The following LHFPL2 variants were observed in gnomAD, a reference collection of about 807,000 sequenced individuals.
The protein encoded by LHFPL2 is LHFPL tetraspan subfamily member 2, also known as LHFPL tetraspan subfamily member 2 protein.
In LHFPL2, 7 loss-of-function variants were observed where a neutral mutation model predicts 17.5. The observed-to-expected ratio is 0.40, with a 90% CI of 0.23 to 0.75. The LOEUF (loss-of-function observed/expected upper bound fraction) is 0.75. LHFPL2 is among the 30% of genes least tolerant of loss of function. LHFPL2 has a pLI of 0.37. For missense variants in LHFPL2, 241 were observed against 294.8 expected (o/e 0.82, Z 1.34); for synonymous variants, 134 against 116.2 (o/e 1.15, Z -0.99).
intron 1 of LHFPL2, among the ~76,000 whole-genome samples, chr5:78,643,360 A>G (rs1745746660): frequency 6.6e-6 from 1 of 152,212 alleles, no homozygotes; most frequent in South Asian, 2.1e-4. Flanking sequence ...TTCTATACCA[A>G]AAGAGAATCA....
intron 2 of LHFPL2, 93 bp downstream of exon 2, chr5:78,632,171 C>A (rs971500076): frequency 1.3e-5 from 2 of 152,172 alleles, no homozygotes; most frequent in Non-Finnish European, 2.9e-5. Context: ...AGAGAAGATG[C>A]TGCCCCACAT....
intron 2 of LHFPL2, among the ~76,000 whole-genome samples, chr5:78,576,148 C>A (rs1757128399): frequency 1.3e-5 from 2 of 152,102 alleles, no homozygotes; most frequent in African/African-American, 4.8e-5. Context: ...ACAAAAAATT[C>A]TCCGGGCGTG....
intron 3 of LHFPL2, among the ~76,000 whole-genome samples, chr5:78,542,222 A>G (rs1296939853): frequency 6.6e-6 from 1 of 151,998 alleles, no homozygotes; most frequent in Admixed American, 6.5e-5. Flanking sequence ...CAGGCCTCAC[A>G]TCACCCCAGG....
intron 2 of LHFPL2, among the ~76,000 whole-genome samples, chr5:78,567,774 A>G (rs1756896851): frequency 6.6e-6 from 1 of 152,082 alleles, no homozygotes; most frequent in Non-Finnish European, 1.5e-5. Flanking sequence ...ATTTTATCCT[A>G]ACAACTATAT....
intron 3 of LHFPL2, among the ~76,000 whole-genome samples, chr5:78,545,334 G>C (rs1315726165): frequency 5.9e-5 from 9 of 152,168 alleles, no homozygotes; most frequent in African/African-American, 2.2e-4. Flanking sequence ...TCAAGAGTAG[G>C]ATTTCTCTGT....
At chr5:78,630,511 T>A (rs1745201950) in intron 2 of LHFPL2, among the ~76,000 whole-genome samples, 1 of 152,156 alleles carries the variant, frequency 6.6e-6, no homozygotes, top group Non-Finnish European at 1.5e-5. Context: ...ATCCTCCTTC[T>A]ATCGAACCCC....
At chr5:78,647,460 A>G (rs1277834834) in intron 1 of LHFPL2, among the ~76,000 whole-genome samples, 2 of 152,182 alleles carry the variant, frequency 1.3e-5, no homozygotes, top group East Asian at 3.9e-4. Context: ...AGCCTCTAAC[A>G]GCTCTGGCTC....
At chr5:78,571,881 T>C (rs1191302004) in intron 2 of LHFPL2, among the ~76,000 whole-genome samples, 3 of 152,210 alleles carry the variant, frequency 2.0e-5, no homozygotes, top group African/African-American at 7.2e-5. Context: ...GTCTATCCAC[T>C]AGGATGTAAG....
At chr5:78,550,767 T>A (rs898526714) in intron 3 of LHFPL2, among the ~76,000 whole-genome samples, 2 of 152,118 alleles carry the variant, frequency 1.3e-5, no homozygotes, top group Non-Finnish European at 2.9e-5. Context: ...CACGAGGTTT[T>A]GCCATGTTGG....
intron 3 of LHFPL2, among the ~76,000 whole-genome samples, chr5:78,518,523 A>C (rs1755353745): frequency 6.6e-6 from 1 of 152,230 alleles, no homozygotes. Flanking sequence ...GCAGCTTCCA[A>C]AGGGATGCAC....
chr5:78,644,120 G>C (rs780532451), intron 1 of LHFPL2: 1 of 458,460 alleles, frequency 2.2e-6, no homozygotes, highest in Non-Finnish European at 3.9e-6. Flanking sequence ...ACATTTGGTA[G>C]TGTGTTAACT....
At chr5:78,637,397 G>C (rs142688226) in intron 1 of LHFPL2, among the ~76,000 whole-genome samples, 33 of 150,134 alleles carry the variant, frequency 2.2e-4, no homozygotes, top group African/African-American at 6.6e-4. Flanking sequence ...TTGGGGGGAG[G>C]GGGGGAAGCC....
Position 78,600,514 on chromosome 5 carries a change from A to G in LHFPL2, c.-245+31750T>C, listed in dbSNP as rs1042769026. On this transcript the variant is annotated intron_variant, in intron 2 of 4. Coordinates refer to ENST00000380345, the MANE Select transcript of LHFPL2 (RefSeq NM_005779.3). ...GAGGCTGAGGCAGGTGGATAACCTG[A>G]GGTCAGGAGTTCAAGACCAGCCTGA... Among the ~76,000 whole-genome samples, 11 of 152,180 alleles carry G rather than the reference A, an allele frequency of 7.2e-5. 1 individual carries two copies. Among genetic ancestry groups the G allele is most frequent in the Non-Finnish European group, 4.4e-5 (3 of 68,030 alleles).
intron 2 of LHFPL2, among the ~76,000 whole-genome samples, chr5:78,574,114 C>G (rs529236678): frequency 3.2e-4 from 49 of 152,328 alleles, no homozygotes; most frequent in African/African-American, 1.2e-3. Flanking sequence ...ACGATGAGAA[C>G]TATGAAGCAT....
chr5:78,639,034 A>G (rs1312101421), intron 1 of LHFPL2, among the ~76,000 whole-genome samples: 1 of 152,234 alleles, frequency 6.6e-6, no homozygotes, highest in Non-Finnish European at 1.5e-5. Flanking sequence ...GAAGCCTCTT[A>G]GGACCAGAAG....
intron 2 of LHFPL2, among the ~76,000 whole-genome samples, chr5:78,569,095 CTTA>C (rs1756932397): frequency 6.6e-6 from 1 of 152,160 alleles, no homozygotes; most frequent in Non-Finnish European, 1.5e-5. Flanking sequence ...AACCATCATT[CTTA>C]TTAAGTATTA....
intron 2 of LHFPL2, among the ~76,000 whole-genome samples, chr5:78,593,754 T>TCC (rs1561356620): frequency 6.6e-6 from 1 of 152,042 alleles, no homozygotes; most frequent in Non-Finnish European, 1.5e-5. Flanking sequence ...ACCTGAGAGC[T>TCC]CCATACACAG....
At chr5:78,560,278 T>C (rs74629864) in intron 3 of LHFPL2, among the ~76,000 whole-genome samples, 3,353 of 152,334 alleles carry the variant, frequency 0.022, 123 homozygotes, top group African/African-American at 0.077. Flanking sequence ...CTGATAACCT[T>C]ACTTATATTA....
intron 3 of LHFPL2, among the ~76,000 whole-genome samples, chr5:78,519,817 C>T (rs1755395921): frequency 6.6e-6 from 1 of 152,232 alleles, no homozygotes; most frequent in South Asian, 2.1e-4. Context: ...TCAGGCACTC[C>T]TTTTGCCACT....
Sources: allele counts gnomAD v4.1 joint callset (sites outside exome capture counted in the v4.1 genomes callset), GRCh38; gene constraint gnomAD v4.1.1; transcripts MANE v1.5; gene names NCBI Gene and HGNC (gene_info 2026-07-23, HGNC 2026-07-21).